CTBS: variants seen among roughly 807,000 people sequenced by gnomAD.
The protein encoded by CTBS is chitobiase, also known as di-N-acetylchitobiase.
A neutral mutation model predicts 44.3 loss-of-function variants in CTBS; 35 were observed. The ratio of observed to expected loss-of-function variants is 0.79; its 90% confidence interval spans 0.60 to 1.05. The LOEUF is 1.05. Ranked by LOEUF, CTBS falls within the 50% of genes least tolerant of loss-of-function variation. CTBS has a pLI of 0.00. For missense variants in CTBS, 458 were observed against 475.3 expected (o/e 0.96, Z 0.34); for synonymous variants, 143 against 168.0 (o/e 0.85, Z 1.15).
In CTBS at chr1:84,574,337, GCGCCAGC is replaced by G; in HGVS notation, c.72_78del (p.Leu25CysfsTer76). 1 of 1,572,708 alleles carries G rather than the reference GCGCCAGC, an allele frequency of 6.4e-7. No individual in the cohort carries two copies. The highest frequency in any genetic ancestry group is 8.6e-7 in the Non-Finnish European group (1 of 1,159,796). ...AGCCGCAGCGCCAGCAGCGCCAGCA[GCGCCAGC>G]AGCGCTAGACCCGGGACGCCGCTCG... is the stretch of plus-strand genomic sequence containing the variant. On this transcript the variant is annotated frameshift_variant, in exon 1 of 7. Transcript: ENST00000370630. LOFTEE classifies it high-confidence loss of function.
chr1:84,573,920 T>C, intron 1 of CTBS: 1 of 1,253,790 alleles, frequency 8.0e-7, no homozygotes, highest in Non-Finnish European at 1.0e-6. Flanking sequence ...TCCTACCTTG[T>C]TTGCTTTTTA....
rs1465479135 is a variant in CTBS, at chr1:84,552,712, T to C, written c.*2287A>G. The C allele has an allele frequency of 1.1e-5, 2 of 187,936 alleles. No homozygotes were observed. The highest frequency in any genetic ancestry group is 2.2e-5 in the Non-Finnish European group (2 of 91,670). 11.6% of individuals were successfully genotyped at this position (187,936 alleles called of 1,614,324 possible). A position where few individuals can be genotyped will look rare whatever the true frequency, so the allele number is the denominator to read the frequency against. ...TTGTTTTCACTATTTTCTTTACACA[T>C]TGAGAACAACAGGTTTTGAAGTTTA... On this transcript the variant is annotated 3_prime_UTR_variant, in exon 7 of 7. Coordinates refer to ENST00000370630, the MANE Select transcript of CTBS (RefSeq NM_004388.3).
At chr1:84,566,473 T>G (rs1211772286) in intron 3 of CTBS, among the ~76,000 whole-genome samples, 2 of 152,240 alleles carry the variant, frequency 1.3e-5, no homozygotes, top group Non-Finnish European at 2.9e-5. Context: ...AGTTTCAGCC[T>G]GATTCACAAT....
chr1:84,557,938 A>G (rs1354069771), intron 6 of CTBS, among the ~76,000 whole-genome samples: 1 of 152,094 alleles, frequency 6.6e-6, no homozygotes. Flanking sequence ...AATGCGCACC[A>G]AAATGTTTCC....
intron 6 of CTBS, among the ~76,000 whole-genome samples, chr1:84,555,720 A>C (rs1684410167): frequency 6.6e-6 from 1 of 152,244 alleles, no homozygotes; most frequent in South Asian, 2.1e-4. Flanking sequence ...AGCTTTTAAA[A>C]TACAGATTCC....
rs373698274 is a variant in CTBS, at chr1:84,558,359, G to C, written c.958-3160C>G. 9.3e-4 allele frequency among the ~76,000 whole-genome samples: 139 copies of C among 150,204 alleles called. No individual in the cohort carries two copies. The East Asian group carries it at 0.021, about 23-fold the overall frequency. ...GGCTGGAGTGCAGTGGCGGGATCTC[G>C]GCTCACTGCAAGCTCCGCCTCCCGG... is the stretch of plus-strand genomic sequence containing the variant. On this transcript the variant is annotated intron_variant, in intron 6 of 6. Transcript: ENST00000370630.
Position 84,555,000 on chromosome 1 carries a change from C to T in CTBS, c.1157G>A (p.Ter386=). 6.2e-7 allele frequency: 1 copy of T among 1,612,482 alleles called. No individual in the cohort carries two copies. Among genetic ancestry groups the T allele is most frequent in the South Asian group, 1.1e-5 (1 of 90,976 alleles). ...EVLKPKLLQR[*] is the part of the protein sequence containing the mutation. ...TCTTAATGGTTTGACAAAAGATGTT[C>T]ATCTCTGTAACAGCTTTGGCTTTAA... The change falls in exon 7 of 7, where the codon TGA becomes TAA. Residue 386 remains the stop codon, a stop_retained_variant. Transcript: ENST00000370630.
At chr1:84,569,840 A>T in intron 3 of CTBS, 91 bp downstream of exon 3, 1 of 1,132,446 alleles carries the variant, frequency 8.8e-7, no homozygotes, top group Non-Finnish European at 1.3e-6. Context: ...CCATTGCATT[A>T]CTATAAAACA....
chr1:84,550,953 T>C lies in CTBS; in HGVS notation c.*4046A>G, dbSNP rs539220157. 1.3e-4 allele frequency: 127 copies of C among 981,554 alleles called. 1 individual carries two copies. In the African/African-American group the frequency reaches 2.0e-3, roughly 15 times the overall value. 60.8% of individuals were successfully genotyped at this position (981,554 alleles called of 1,614,324 possible). A position where few individuals can be genotyped will look rare whatever the true frequency, so the allele number is the denominator to read the frequency against. On this transcript the variant is annotated 3_prime_UTR_variant, in exon 7 of 7. Coordinates refer to ENST00000370630, the MANE Select transcript of CTBS (RefSeq NM_004388.3). ...TCATATGTATTCTATTATTTAAATATGAATAATGTGTCTTCTACTAGATGT... is the reference window on the plus strand; with the variant it reads ...TCATATGTATTCTATTATTTAAATACGAATAATGTGTCTTCTACTAGATGT...
At chr1:84,568,561 A>C (rs1324205977) in intron 3 of CTBS, among the ~76,000 whole-genome samples, 4 of 152,154 alleles carry the variant, frequency 2.6e-5, no homozygotes, top group Non-Finnish European at 5.9e-5. Context: ...ATCACCTAGG[A>C]CACTTGGCAA....
rs1297295300 is a variant in CTBS, at chr1:84,553,696, CTG to C, written c.*1301_*1302del. ...ATATACTATGAAAATGGTTTTTACTCTGTCACAAACAATTGTGTAAATAGGAA... is the reference window on the plus strand; with the variant it reads ...ATATACTATGAAAATGGTTTTTACTCTCACAAACAATTGTGTAAATAGGAA... On this transcript the variant is annotated 3_prime_UTR_variant, in exon 7 of 7. Transcript: ENST00000370630. The C allele has an allele frequency of 6.6e-6, 1 of 152,074 alleles. No homozygotes were observed. Among genetic ancestry groups the C allele is most frequent in the Non-Finnish European group, 1.5e-5 (1 of 67,996 alleles). 9.4% of individuals were successfully genotyped at this position (152,074 alleles called of 1,614,324 possible).
Position 84,574,423 on chromosome 1 carries a change from G to C in CTBS, c.-8C>G, listed in dbSNP as rs1161710616. 21 of 1,528,124 alleles carry C rather than the reference G, an allele frequency of 1.4e-5. No homozygotes were observed. Among genetic ancestry groups the C allele is most frequent in the Non-Finnish European group, 1.8e-5 (20 of 1,140,074 alleles). The allele number at this position is 1,528,124 out of a possible 1,614,324, so 94.7% of individuals were successfully genotyped here. On this transcript the variant is annotated 5_prime_UTR_variant, in exon 1 of 7. Coordinates refer to ENST00000370630, the MANE Select transcript of CTBS (RefSeq NM_004388.3). Reference sequence around the variant, plus strand: ...AAGCTGCGGCCGGGACATAGCAGCAGGTCTAGCGGGCCGGAGTGGGTTCCT... The same window carrying C: ...AAGCTGCGGCCGGGACATAGCAGCACGTCTAGCGGGCCGGAGTGGGTTCCT...
chr1:84,558,741 A>C (rs1214427908), intron 6 of CTBS, among the ~76,000 whole-genome samples: 1 of 151,958 alleles, frequency 6.6e-6, no homozygotes, highest in Non-Finnish European at 1.5e-5. Context: ...TCTCTACAAA[A>C]AGTAAAAAAA....
At position 84,553,054 on chromosome 1, in the gene CTBS, C is replaced by T. The variant is rs1352616694; in HGVS notation, c.*1945G>A. 1 of 1,526,630 alleles carries T rather than the reference C, an allele frequency of 6.6e-7. No individual in the cohort carries two copies. Among genetic ancestry groups the T allele is most frequent in the South Asian group, 1.3e-5 (1 of 78,754 alleles). 94.6% of individuals were successfully genotyped at this position (1,526,630 alleles called of 1,614,324 possible). A position where few individuals can be genotyped will look rare whatever the true frequency, so the allele number is the denominator to read the frequency against. ...TTATAGATGAGAAAACAAGCAGTTTCAGATTTACGAACATTGAAAACTGAA... is the reference window on the plus strand; with the variant it reads ...TTATAGATGAGAAAACAAGCAGTTTTAGATTTACGAACATTGAAAACTGAA... On this transcript the variant is annotated 3_prime_UTR_variant, in exon 7 of 7. Transcript: ENST00000370630.
At position 84,552,004 on chromosome 1, in the gene CTBS, G is replaced by C. The variant is rs1684288292; in HGVS notation, c.*2995C>G. On this transcript the variant is annotated 3_prime_UTR_variant, in exon 7 of 7. Coordinates refer to ENST00000370630, the MANE Select transcript of CTBS (RefSeq NM_004388.3). ...AATTAGAATTGTTCATACAAAAACA[G>C]TAAGGACAAGTGGAATAAGAGGAAA... 6.6e-6 allele frequency: 1 copy of C among 152,046 alleles called. No homozygotes were observed. Among genetic ancestry groups the C allele is most frequent in the Non-Finnish European group, 1.5e-5 (1 of 67,996 alleles). The allele number at this position is 152,046 out of a possible 1,614,324, so 9.4% of individuals were successfully genotyped here.
chr1:84,560,702 T>C (rs549585368), intron 6 of CTBS, among the ~76,000 whole-genome samples: 3 of 152,328 alleles, frequency 2.0e-5, no homozygotes, highest in East Asian at 3.9e-4. Flanking sequence ...TAGGGACTAA[T>C]GAGGGTGGTA....
At chr1:84,572,649 G>A (rs2911590) in intron 1 of CTBS, among the ~76,000 whole-genome samples, 70,510 of 151,542 alleles carry the variant, frequency 0.47, 18,738 homozygotes, top group African/African-American at 0.74. Context: ...GGGTACTACA[G>A]TAAATCTTTC....
intron 1 of CTBS, among the ~76,000 whole-genome samples, chr1:84,572,456 G>A (rs1193467223): frequency 6.6e-6 from 1 of 151,262 alleles, no homozygotes; most frequent in African/African-American, 2.4e-5. Flanking sequence ...AAAAAGCTGG[G>A]TGAACTAATT....
At position 84,563,739 on chromosome 1, in the gene CTBS, G is replaced by A. The variant is rs1684637216; in HGVS notation, c.791C>T (p.Ser264Phe). The change falls in exon 5 of 7, where the codon TCT becomes TTT. Residue 264 changes from serine to phenylalanine, a missense_variant. Transcript: ENST00000370630. ...GTAACAAATGACTGTTCCTACCTCAGACAGATTCAGGCAGGTATAATCATA... is the reference window on the plus strand; with the variant it reads ...GTAACAAATGACTGTTCCTACCTCAAACAGATTCAGGCAGGTATAATCATA... Reference protein sequence around the residue: ...YGYDYTCLNLSEDHVCTIAKV... With the variant: ...YGYDYTCLNLFEDHVCTIAKV... 6.3e-7 allele frequency: 1 copy of A among 1,577,774 alleles called. No homozygotes were observed. Among genetic ancestry groups the A allele is most frequent in the Non-Finnish European group, 8.6e-7 (1 of 1,157,516 alleles).
Sources: allele counts gnomAD v4.1 joint callset (sites outside exome capture counted in the v4.1 genomes callset), GRCh38; gene constraint gnomAD v4.1.1; transcripts MANE v1.5; gene names NCBI Gene and HGNC (gene_info 2026-07-23, HGNC 2026-07-21).